The following SGIP1 variants were observed in gnomAD, a reference collection of about 807,000 sequenced individuals.
SGIP1 encodes the protein SH3GL interacting endocytic adaptor 1.
A neutral mutation model predicts 107.5 loss-of-function variants in SGIP1; 38 were observed. That is an observed-to-expected ratio of 0.35 (90% confidence interval 0.27 to 0.46). The LOEUF (loss-of-function observed/expected upper bound fraction) is 0.46, where lower values mean the gene tolerates loss of function less well. Among genes scored for constraint, SGIP1 ranks in the 20% least tolerant of loss-of-function variants. The pLI is 1.00. For synonymous variants in SGIP1, 365 were observed against 366.1 expected (o/e 1.00, Z 0.03); for missense variants, 929 against 1,019.5 (o/e 0.91, Z 1.21).
chr1:66,721,363 T>A (rs1433351774), intron 19 of SGIP1, among the ~76,000 whole-genome samples: 1 of 152,174 alleles, frequency 6.6e-6, no homozygotes, highest in Non-Finnish European at 1.5e-5. Context: ...CCTTAGAAAA[T>A]CACGTTGGCC....
chr1:66,704,949 G>A (rs2092358272), intron 18 of SGIP1, among the ~76,000 whole-genome samples: 1 of 152,156 alleles, frequency 6.6e-6, no homozygotes, highest in South Asian at 2.1e-4. Context: ...TAAGATAATA[G>A]TTAGTATTAA....
intron 7 of SGIP1, among the ~76,000 whole-genome samples, chr1:66,646,553 A>G (rs1052578512): frequency 6.6e-6 from 1 of 152,224 alleles, no homozygotes; most frequent in Non-Finnish European, 1.5e-5. Context: ...TCCATGAACT[A>G]TAACCAATTT....
At chr1:66,622,158 G>A (rs2071311302) in intron 1 of SGIP1, among the ~76,000 whole-genome samples, 1 of 152,162 alleles carries the variant, frequency 6.6e-6, no homozygotes, top group Admixed American at 6.6e-5. Context: ...ACAAAGCCCT[G>A]AAGAACCCCA....
chr1:66,678,534 G>A (rs931892803), intron 13 of SGIP1, among the ~76,000 whole-genome samples: 2 of 152,068 alleles, frequency 1.3e-5, no homozygotes, highest in Non-Finnish European at 2.9e-5. Context: ...CCTTAATCAG[G>A]AGCAGAGCCC....
rs200643103 is a variant in SGIP1 at position 66,670,965 on chromosome 1, A to C, written c.484-30A>C. The stretch of plus-strand genomic sequence containing the variant: ...TTGTACATAACATATATGTGGTCTT[A>C]AACCTTATAGTGTCTATTTCTAATT... On this transcript the variant is annotated intron_variant, in intron 9 of 24. Coordinates refer to ENST00000371037, the MANE Select transcript of SGIP1 (RefSeq NM_032291.4). 28 of 1,228,822 alleles carry C rather than the reference A, an allele frequency of 2.3e-5. No homozygotes were observed. In the African/African-American group the frequency reaches 3.6e-4, roughly 16 times the overall value. 76.1% of individuals were successfully genotyped at this position (1,228,822 alleles called of 1,614,324 possible).
chr1:66,631,772 T>C (rs1402868072), intron 2 of SGIP1, among the ~76,000 whole-genome samples: 1 of 150,650 alleles, frequency 6.6e-6, no homozygotes, highest in Non-Finnish European at 1.5e-5. Context: ...TCTTACCTGA[T>C]TGCACCTTCC....
chr1:66,625,910 C>T lies in SGIP1; in HGVS notation c.74C>T (p.Thr25Ile), dbSNP rs762547189. ...AAGAAAGAAAAGGACACTGATTCTA[C>T]GTATGTACTTTAGGAGTTTGCCTCC... is the stretch of plus-strand genomic sequence containing the variant. ...IRKKEKDTDS[T>I]GSPDRDGIQP... The change falls in exon 2 of 25, where the codon ACA becomes ATA. Residue 25 changes from threonine to isoleucine, a missense_variant and splice_region_variant. By Grantham distance (89) the Thr-to-Ile change is moderately conservative (BLOSUM62 -1). Coordinates refer to ENST00000371037, the MANE Select transcript of SGIP1 (RefSeq NM_032291.4). The T allele has an allele frequency of 5.2e-5, 84 of 1,611,138 alleles. No homozygotes were observed. Among genetic ancestry groups the T allele is most frequent in the Non-Finnish European group, 6.3e-5 (74 of 1,178,336 alleles).
At chr1:66,636,135 A>G (rs775586682) in intron 4 of SGIP1, 120 bp downstream of exon 4, 3 of 907,424 alleles carry the variant, frequency 3.3e-6, no homozygotes, top group African/African-American at 3.4e-5. Context: ...GAAAACTCTT[A>G]GGTATTTCCA....
At chr1:66,643,765 G>A (rs1417324202) in intron 7 of SGIP1, 46 bp downstream of exon 7, 1 of 1,529,458 alleles carries the variant, frequency 6.5e-7, no homozygotes, top group African/African-American at 1.4e-5. Flanking sequence ...AGATTGAACA[G>A]GGCTATGTTC....
At chr1:66,631,725 CTCTT>C (rs1323516655) in intron 2 of SGIP1, among the ~76,000 whole-genome samples, 2 of 116,452 alleles carry the variant, frequency 1.7e-5, no homozygotes, top group African/African-American at 5.9e-5. Flanking sequence ...CTCTCTCTCT[CTCTT>C]CTCACGGGCT....
chr1:66,687,296 A>AG (rs1482861994), intron 15 of SGIP1, among the ~76,000 whole-genome samples: 4 of 128,708 alleles, frequency 3.1e-5, no homozygotes, highest in Non-Finnish European at 6.6e-5. Flanking sequence ...CTCCATCAAC[A>AG]CCAAAAAAAA....
In SGIP1 at chr1:66,695,419, C is replaced by A. The variant is rs1455743906; in HGVS notation, c.1571-15C>A. 6.2e-7 allele frequency: 1 copy of A among 1,614,118 alleles called. No homozygotes were observed. Among genetic ancestry groups the A allele is most frequent in the Non-Finnish European group, 8.5e-7 (1 of 1,180,010 alleles). On this transcript the variant is annotated splice_polypyrimidine_tract_variant and intron_variant, in intron 17 of 24. Coordinates refer to ENST00000371037, the MANE Select transcript of SGIP1 (RefSeq NM_032291.4). The stretch of plus-strand genomic sequence containing the variant: ...CTTAACCCTTCCCATCCCGCTTCAA[C>A]TCCTGGCCATACAGAGAATGAACAG...
At chr1:66,731,371 G>T (rs1251188463) in intron 20 of SGIP1, among the ~76,000 whole-genome samples, 3 of 152,046 alleles carry the variant, frequency 2.0e-5, no homozygotes, top group Non-Finnish European at 4.4e-5. Context: ...AGCTTTTGTT[G>T]CATTGCATTT....
chr1:66,608,650 C>A (rs1455603974), intron 1 of SGIP1, among the ~76,000 whole-genome samples: 1 of 152,282 alleles, frequency 6.6e-6, no homozygotes, highest in East Asian at 1.9e-4. Context: ...TCCCCTCTGG[C>A]AGCTCCCATT....
intron 1 of SGIP1, among the ~76,000 whole-genome samples, chr1:66,542,918 G>A (rs377144008): frequency 6.6e-6 from 1 of 152,154 alleles, no homozygotes; most frequent in Non-Finnish European, 1.5e-5. Context: ...TTTGTATAAC[G>A]GCGTAACTGG....
chr1:66,683,419 G>A (rs756778361), intron 15 of SGIP1, among the ~76,000 whole-genome samples: 4 of 152,126 alleles, frequency 2.6e-5, no homozygotes, highest in Non-Finnish European at 5.9e-5. Context: ...CTTTCAATGA[G>A]GTCTTGCAGA....
intron 12 of SGIP1, among the ~76,000 whole-genome samples, chr1:66,674,852 T>C (rs1050654841): frequency 6.6e-6 from 1 of 152,206 alleles, no homozygotes; most frequent in East Asian, 1.9e-4. Flanking sequence ...TTTGGTGCTA[T>C]GTAGCCAGCT....
intron 1 of SGIP1, among the ~76,000 whole-genome samples, chr1:66,623,083 T>C (rs1379291134): frequency 6.6e-6 from 1 of 152,230 alleles, no homozygotes; most frequent in Admixed American, 6.5e-5. Context: ...TTCCCTTCAC[T>C]CAATTTTAAC....
At chr1:66,593,200 G>T (rs1298843328) in intron 1 of SGIP1, among the ~76,000 whole-genome samples, 2 of 152,008 alleles carry the variant, frequency 1.3e-5, no homozygotes, top group Non-Finnish European at 2.9e-5. Context: ...ACCTACTGAA[G>T]GACATCATGG....
Sources: allele counts gnomAD v4.1 joint callset (sites outside exome capture counted in the v4.1 genomes callset), GRCh38; gene constraint gnomAD v4.1.1; transcripts MANE v1.5; gene names NCBI Gene and HGNC (gene_info 2026-07-23, HGNC 2026-07-21).